EXD3: variants seen among roughly 807,000 people sequenced by gnomAD.
EXD3 encodes exonuclease 3'-5' domain containing 3, also known as exonuclease mut-7 homolog.
In EXD3, 92 loss-of-function variants were observed where a neutral mutation model predicts 98.0. The observed-to-expected ratio is 0.94, with a 90% confidence interval of 0.79 to 1.12. The LOEUF (loss-of-function observed/expected upper bound fraction) is 1.12. EXD3 is among the 50% of genes most tolerant of loss of function. The probability of loss-of-function intolerance (pLI) is 0.00; values close to 1 mark genes in which losing one functional copy is unlikely to be tolerated. For synonymous variants in EXD3, 569 were observed against 526.0 expected, an observed-to-expected ratio of 1.08 and a Z score of -1.12; for missense variants, 1,222 against 1,191.6, an observed-to-expected ratio of 1.03 and a Z score of -0.38.
At chr9:137,400,843 G>A (rs1837449172) in intron 1 of EXD3, among the ~76,000 whole-genome samples, 2 of 151,964 alleles carry the variant, frequency 1.3e-5, no homozygotes, top group Admixed American at 1.3e-4. Context: ...CTGAAATCCA[G>A]AAGGGCAGTC....
At chr9:137,312,894 G>GACCTGACCTGGTGCCC (rs1166218651) in intron 19 of EXD3, among the ~76,000 whole-genome samples, 5 of 152,106 alleles carry the variant, frequency 3.3e-5, no homozygotes, top group Admixed American at 2.6e-4. Context: ...GTGCCCACCT[G>GACCTGACCTGGTGCCC]ACCTGACCTG....
intron 1 of EXD3, among the ~76,000 whole-genome samples, chr9:137,400,829 A>G (rs1266355262): frequency 6.6e-6 from 1 of 152,040 alleles, no homozygotes; most frequent in African/African-American, 2.4e-5. Flanking sequence ...GGGCCCACGC[A>G]AGTCTGAAAT....
At chr9:137,390,720 C>T (rs938293142) in intron 2 of EXD3, among the ~76,000 whole-genome samples, 6 of 152,202 alleles carry the variant, frequency 3.9e-5, no homozygotes, top group Non-Finnish European at 8.8e-5. Flanking sequence ...TCATGTCACC[C>T]TCATGTCACA....
intron 8 of EXD3, among the ~76,000 whole-genome samples, chr9:137,355,340 C>T (rs375469958): frequency 1.1e-4 from 17 of 152,074 alleles, no homozygotes; most frequent in South Asian, 1.0e-3. Context: ...AGCGGGGTGC[C>T]GACCTTTCAG....
chr9:137,408,320 G>A (rs1337394838), intron 1 of EXD3, among the ~76,000 whole-genome samples: 2 of 151,934 alleles, frequency 1.3e-5, no homozygotes, highest in African/African-American at 4.8e-5. Flanking sequence ...AAGCTGAGGC[G>A]GGAGGATCAC....
chr9:137,318,907 C>T (rs904065331), intron 19 of EXD3, among the ~76,000 whole-genome samples: 4 of 152,262 alleles, frequency 2.6e-5, no homozygotes, highest in African/African-American at 7.2e-5. Flanking sequence ...GTTGCTCACT[C>T]CCTGCTGTGT....
At chr9:137,418,113 G>A (rs548656297) in intron 1 of EXD3, among the ~76,000 whole-genome samples, 98 of 152,296 alleles carry the variant, frequency 6.4e-4, no homozygotes, top group Middle Eastern at 3.4e-3. Flanking sequence ...TTGGGAGGCC[G>A]AGGCGGGCGG....
intron 17 of EXD3, among the ~76,000 whole-genome samples, chr9:137,328,134 A>T (rs1014220594): frequency 1.7e-5 from 2 of 114,886 alleles, no homozygotes; most frequent in Non-Finnish European, 3.9e-5. Flanking sequence ...AGTAAAAACA[A>T]CGAATAAACA....
At chr9:137,308,014 C>T (rs535266753) in intron 20 of EXD3, among the ~76,000 whole-genome samples, 5 of 126,732 alleles carry the variant, frequency 3.9e-5, no homozygotes, top group South Asian at 2.3e-4. Context: ...GAGTGAATTT[C>T]GAAATCAGCC....
intron 17 of EXD3, among the ~76,000 whole-genome samples, chr9:137,343,981 C>T (rs1833791598): frequency 6.9e-6 from 1 of 145,686 alleles, no homozygotes; most frequent in South Asian, 2.2e-4. Flanking sequence ...AATCTCCACC[C>T]CCTGGGTTCA....
chr9:137,328,578 G>C (rs917261336), intron 17 of EXD3, among the ~76,000 whole-genome samples: 2 of 97,064 alleles, frequency 2.1e-5, no homozygotes, highest in Non-Finnish European at 4.2e-5. Flanking sequence ...TAGTTACACA[G>C]GAGCTACACG....
chr9:137,376,360 A>G (rs1221579884), intron 3 of EXD3, among the ~76,000 whole-genome samples: 3 of 151,020 alleles, frequency 2.0e-5, no homozygotes, highest in East Asian at 3.9e-4. Flanking sequence ...AAAAAAAAAA[A>G]AAAAAAAAGA....
At position 137,314,907 on chromosome 9, in the gene EXD3, G is replaced by A. The variant is rs1440433554; in HGVS notation, c.2185-5207C>T. Among the ~76,000 whole-genome samples, 4 of 152,324 alleles carry A rather than the reference G, an allele frequency of 2.6e-5. No individual in the cohort carries two copies. In the East Asian group the frequency reaches 7.7e-4, roughly 29 times the overall value. On this transcript the variant is annotated intron_variant, in intron 19 of 21. Transcript: ENST00000340951. ...ACGTGCGCAACAGCCAGCCCCTCGT[G>A]CGCGGGGAGACGTCTCTCAGAAGCA... is the stretch of plus-strand genomic sequence containing the variant.
intron 3 of EXD3, among the ~76,000 whole-genome samples, chr9:137,378,922 A>G (rs59908065): frequency 0.1 from 7,625 of 76,100 alleles, 453 homozygotes; most frequent in African/African-American, 0.3. Context: ...GGAATGGGGC[A>G]TCTGTGTGAG....
Position 137,330,029 on chromosome 9 carries a change from A to G in EXD3, c.1999-5886T>C, listed in dbSNP as rs1412453498. On this transcript the variant is annotated intron_variant, in intron 17 of 21. Coordinates refer to ENST00000340951, the MANE Select transcript of EXD3 (RefSeq NM_017820.5). The stretch of plus-strand genomic sequence containing the variant: ...TACACAGGACTACACAGGACTACAC[A>G]GGACTACACCGGAGCTACACGGGAC... Among the ~76,000 whole-genome samples the G allele has an allele frequency of 4.3e-5, 6 of 139,790 alleles. 1 individual carries two copies. Among genetic ancestry groups the G allele is most frequent in the African/African-American group, 8.5e-5 (3 of 35,094 alleles). 91.7% of individuals were successfully genotyped at this position (139,790 alleles called of 152,430 possible). A position where few individuals can be genotyped will look rare whatever the true frequency, so the allele number is the denominator to read the frequency against.
At chr9:137,342,917 C>T (rs770864481) in intron 17 of EXD3, among the ~76,000 whole-genome samples, 32 of 152,214 alleles carry the variant, frequency 2.1e-4, no homozygotes, top group African/African-American at 6.3e-4. Flanking sequence ...GTCGGGAGAT[C>T]GAGACCATCC....
chr9:137,352,801 G>A lies in EXD3; in HGVS notation c.871-15C>T. 6.3e-7 allele frequency: 1 copy of A among 1,577,306 alleles called. No homozygotes were observed. Among genetic ancestry groups the A allele is most frequent in the Non-Finnish European group, 8.6e-7 (1 of 1,164,092 alleles). ...CCCACCAGGCCCTGTGAGGAGGGTG[G>A]CCGTGAGGATGGAGATGGGGACATT... On this transcript the variant is annotated splice_polypyrimidine_tract_variant and intron_variant, in intron 10 of 21. Coordinates refer to ENST00000340951, the MANE Select transcript of EXD3 (RefSeq NM_017820.5).
intron 19 of EXD3, among the ~76,000 whole-genome samples, chr9:137,317,955 C>T (rs973586424): frequency 6.6e-6 from 1 of 152,116 alleles, no homozygotes; most frequent in Non-Finnish European, 1.5e-5. Context: ...GGAATGGGGT[C>T]TGGGCTGAGA....
intron 17 of EXD3, among the ~76,000 whole-genome samples, chr9:137,344,352 G>A (rs930745055): frequency 6.6e-6 from 1 of 152,176 alleles, no homozygotes; most frequent in African/African-American, 2.4e-5. Flanking sequence ...GGCCGATCTA[G>A]AGAAGCAAAC....
Sources: allele counts gnomAD v4.1 joint callset (sites outside exome capture counted in the v4.1 genomes callset), GRCh38; gene constraint gnomAD v4.1.1; transcripts MANE v1.5; gene names NCBI Gene and HGNC (gene_info 2026-07-23, HGNC 2026-07-21).